The following ATP8A2 variants were observed in gnomAD, a reference collection of about 807,000 sequenced individuals.
The protein encoded by ATP8A2 is ATPase phospholipid transporting 8A2.
Under a neutral mutation model 165.6 loss-of-function variants are expected in ATP8A2, and 100 were observed. The ratio of observed to expected loss-of-function variants is 0.60; its 90% CI spans 0.51 to 0.71. The LOEUF (loss-of-function observed/expected upper bound fraction) is 0.71, where lower values mean the gene tolerates loss of function less well. Among genes scored for constraint, ATP8A2 ranks in the 30% least tolerant of loss-of-function variants. ATP8A2 has a pLI of 0.00. For missense variants in ATP8A2, 1,227 were observed against 1,479.5 expected, an observed-to-expected ratio of 0.83 and a Z score of 2.80; for synonymous variants, 543 against 548.8, an observed-to-expected ratio of 0.99 and a Z score of 0.15.
At chr13:25,869,080 A>C (rs1028214680) in intron 33 of ATP8A2, among the ~76,000 whole-genome samples, 3 of 151,870 alleles carry the variant, frequency 2.0e-5, no homozygotes, top group African/African-American at 4.8e-5. Flanking sequence ...AAAAAAAAAA[A>C]AAAAAAAAAA....
chr13:25,446,693 A>G (rs1249755365), intron 1 of ATP8A2, among the ~76,000 whole-genome samples: 1 of 152,240 alleles, frequency 6.6e-6, no homozygotes, highest in African/African-American at 2.4e-5. Context: ...TGAGAAGAAC[A>G]TTACAAATCC....
At chr13:25,647,913 T>C (rs770181375) in intron 24 of ATP8A2, among the ~76,000 whole-genome samples, 80 of 152,060 alleles carry the variant, frequency 5.3e-4, no homozygotes, top group Non-Finnish European at 8.1e-4. Context: ...GGTCTCAAAC[T>C]CCTGACCTCA....
chr13:25,668,599 T>G (rs2137735134), intron 24 of ATP8A2, among the ~76,000 whole-genome samples: 1 of 152,298 alleles, frequency 6.6e-6, no homozygotes, highest in Non-Finnish European at 1.5e-5. Context: ...CAGTTATAAT[T>G]TATTCAGATA....
chr13:25,959,787 T>C (rs760420233), intron 33 of ATP8A2, among the ~76,000 whole-genome samples: 6 of 152,270 alleles, frequency 3.9e-5, no homozygotes, highest in Non-Finnish European at 5.9e-5. Flanking sequence ...TCCTGGGACA[T>C]CTACTTCTGG....
At position 25,570,823 on chromosome 13, in the gene ATP8A2, T is replaced by C. The variant is rs1169697577; in HGVS notation, c.1530T>C (p.Val510=). Residue 510 remains valine, a synonymous_variant, in exon 17 of 37, where the codon GTT becomes GTC. Transcript: ENST00000381655. ...CCCTTCTGGCCGTGTGCCACACGGTTGTTCCTGAGAAGGATGGAGATAACA... is the reference window on the plus strand; with the variant it reads ...CCCTTCTGGCCGTGTGCCACACGGTCGTTCCTGAGAAGGATGGAGATAACA... ...FLTLLAVCHT[V]VPEKDGDNII... 10 of 1,613,840 alleles carry C rather than the reference T, an allele frequency of 6.2e-6. No individual in the cohort carries two copies.
intron 27 of ATP8A2, among the ~76,000 whole-genome samples, chr13:25,809,792 C>G (rs1483979739): frequency 6.6e-6 from 1 of 152,128 alleles, no homozygotes; most frequent in Non-Finnish European, 1.5e-5. Context: ...GTCTTTCCCC[C>G]TCAATCTCCA....
At chr13:25,730,971 G>C (rs1253631459) in intron 25 of ATP8A2, among the ~76,000 whole-genome samples, 1 of 151,866 alleles carries the variant, frequency 6.6e-6, no homozygotes, top group Non-Finnish European at 1.5e-5. Flanking sequence ...CCGCACGAGA[G>C]ACTGAGACAG....
intron 36 of ATP8A2, among the ~76,000 whole-genome samples, chr13:26,019,009 A>G (rs979817086): frequency 1.3e-5 from 2 of 152,192 alleles, no homozygotes; most frequent in African/African-American, 4.8e-5. Context: ...CCAATCAATC[A>G]CTAAATTCCT....
chr13:25,414,536 T>C (rs2034078055), intron 1 of ATP8A2, among the ~76,000 whole-genome samples: 1 of 152,140 alleles, frequency 6.6e-6, no homozygotes, highest in African/African-American at 2.4e-5. Flanking sequence ...ATAAACTATA[T>C]AAGTAAATGT....
intron 4 of ATP8A2, 22 bp downstream of exon 4, chr13:25,530,682 A>G (rs2038002057): frequency 7.1e-7 from 1 of 1,405,466 alleles, no homozygotes; most frequent in East Asian, 2.4e-5. Flanking sequence ...CTTTTGGATA[A>G]TAAAATCATT....
At chr13:25,512,108 A>T (rs2037246703) in intron 2 of ATP8A2, among the ~76,000 whole-genome samples, 1 of 151,626 alleles carries the variant, frequency 6.6e-6, no homozygotes. Flanking sequence ...TGCTGCCTTC[A>T]AGCATCTGTT....
intron 23 of ATP8A2, among the ~76,000 whole-genome samples, chr13:25,587,785 A>T (rs1356941117): frequency 1.3e-5 from 2 of 152,252 alleles, no homozygotes; most frequent in Non-Finnish European, 2.9e-5. Flanking sequence ...ACTTATAGGA[A>T]GGAAGAATGC....
intron 1 of ATP8A2, among the ~76,000 whole-genome samples, chr13:25,443,620 G>A (rs2138206804): frequency 6.6e-6 from 1 of 152,306 alleles, no homozygotes; most frequent in African/African-American, 2.4e-5. Context: ...CCATTTACAT[G>A]GGCAATGCTG....
At chr13:25,496,881 C>T (rs980911993) in intron 2 of ATP8A2, among the ~76,000 whole-genome samples, 1 of 152,068 alleles carries the variant, frequency 6.6e-6, no homozygotes, top group Non-Finnish European at 1.5e-5. Context: ...TGGGAAATCT[C>T]AATATTATAA....
intron 2 of ATP8A2, among the ~76,000 whole-genome samples, chr13:25,513,998 G>A (rs897410698): frequency 6.8e-6 from 1 of 146,294 alleles, no homozygotes; most frequent in Admixed American, 6.8e-5. Context: ...GAGGGGGAGG[G>A]GGAGGGAGAG....
intron 34 of ATP8A2, 43 bp downstream of exon 34, chr13:25,961,706 T>C: frequency 7.0e-7 from 1 of 1,430,692 alleles, no homozygotes; most frequent in Non-Finnish European, 9.9e-7. Flanking sequence ...CTGGCTCATC[T>C]GTCCCTGGAA....
intron 8 of ATP8A2, among the ~76,000 whole-genome samples, chr13:25,541,020 C>A (rs531624021): frequency 1.3e-5 from 2 of 152,008 alleles, no homozygotes; most frequent in East Asian, 3.9e-4. Context: ...TGCTACTACA[C>A]CTGGCTTAAT....
chr13:25,761,544 G>A (rs111905492), intron 25 of ATP8A2, among the ~76,000 whole-genome samples: 136 of 152,148 alleles, frequency 8.9e-4, no homozygotes, highest in African/African-American at 3.3e-3. Context: ...TTGGGAGGCT[G>A]CGGCAGGAGG....
intron 1 of ATP8A2, among the ~76,000 whole-genome samples, chr13:25,449,173 A>C (rs1593321522): frequency 6.6e-6 from 1 of 151,910 alleles, no homozygotes; most frequent in African/African-American, 2.4e-5. Flanking sequence ...TTGAGTTTAT[A>C]ATTTGTTCTT....
Sources: gnomAD v4.1 joint callset for allele counts (sites outside exome capture counted in the v4.1 genomes callset) on GRCh38, gnomAD v4.1.1 for gene constraint, MANE v1.5 for transcripts, NCBI Gene and HGNC (gene_info 2026-07-23, HGNC 2026-07-21) for gene names.